TRIM43B: variants seen among roughly 807,000 people sequenced by gnomAD.
TRIM43B encodes the protein tripartite motif containing 43B, also known as tripartite motif-containing protein 43B.
TRIM43B carries 15 observed loss-of-function variants against 27.0 expected under a neutral mutation model. That is an observed-to-expected ratio of 0.55 (90% CI 0.37 to 0.85). The LOEUF (loss-of-function observed/expected upper bound fraction) is 0.85, where lower values mean the gene tolerates loss of function less well. Ranked by LOEUF, TRIM43B falls within the 40% of genes least tolerant of loss-of-function variation. The pLI is 0.00. For synonymous variants in TRIM43B, 69 were observed against 97.8 expected (o/e 0.71, Z 1.74); for missense variants, 172 against 289.8 (o/e 0.59, Z 2.95).
chr2:95,484,315 T>C (rs1479492695), intron 1 of TRIM43B, among the ~76,000 whole-genome samples: 1 of 152,002 alleles, frequency 6.6e-6, no homozygotes, highest in Admixed American at 6.6e-5. Context: ...GAGGTTGCAG[T>C]GAGCCAAGAG....
At chr2:95,484,635 G>A (rs1326121772) in exon 1 of TRIM43B, 1 of 152,120 alleles carries the variant, frequency 6.6e-6, no homozygotes, top group East Asian at 1.9e-4. Context: ...TCTCACCAAA[G>A]CTTGCTGTCG....
intron 1 of TRIM43B, among the ~76,000 whole-genome samples, chr2:95,482,972 G>A (rs1192027863): frequency 1.1e-4 from 17 of 152,110 alleles, no homozygotes; most frequent in South Asian, 2.1e-4. Flanking sequence ...GAAGAATGTC[G>A]GATTTTTTGA....
intron 2 of TRIM43B, 94 bp from the exon 3 acceptor site, chr2:95,481,784 C>A: frequency 7.5e-7 from 1 of 1,340,348 alleles, no homozygotes; most frequent in Non-Finnish European, 1.0e-6. Context: ...TATATAAATA[C>A]ATTAGTGAGA....
At chr2:95,484,379 A>C (rs1683603426) in intron 1 of TRIM43B, among the ~76,000 whole-genome samples, 1 of 151,980 alleles carries the variant, frequency 6.6e-6, no homozygotes. Flanking sequence ...AAAATAAATA[A>C]ATAAACAAAT....
Position 95,482,290 on chromosome 2 carries a change from G to C in TRIM43B, c.411+14C>G. ...ACCCTCCAGCTTTCAGGTGATCACA[G>C]AGCTATCTCTTACCCGGTCTTCCTC... On this transcript the variant is annotated intron_variant, in intron 2 of 6. Coordinates refer to ENST00000639673, the Ensembl canonical transcript of TRIM43B. 6.2e-7 allele frequency: 1 copy of C among 1,611,038 alleles called. No homozygotes were observed. Among genetic ancestry groups the C allele is most frequent in the East Asian group, 2.2e-5 (1 of 44,860 alleles).
At chr2:95,482,926 A>C (rs1558814423) in intron 1 of TRIM43B, among the ~76,000 whole-genome samples, 1 of 152,146 alleles carries the variant, frequency 6.6e-6, no homozygotes, top group Non-Finnish European at 1.5e-5. Flanking sequence ...TCCAATCAAC[A>C]CATGACCAGC....
At chr2:95,483,791 G>A (rs1395455979) in intron 1 of TRIM43B, among the ~76,000 whole-genome samples, 7 of 151,972 alleles carry the variant, frequency 4.6e-5, no homozygotes, top group African/African-American at 1.7e-4. Flanking sequence ...TAGTGCCACA[G>A]CACTCCAGTC....
chr2:95,484,589 G>A lies in TRIM43B; in HGVS notation c.-5+17C>T, dbSNP rs910737539. On this transcript the variant is annotated intron_variant, in intron 1 of 6. Transcript: ENST00000639673. ...GTAACCTAATAGTAGATCCTTCTCTGGAAATTGTGTACTTACCTCAGAAAT... is the reference window on the plus strand; with the variant it reads ...GTAACCTAATAGTAGATCCTTCTCTAGAAATTGTGTACTTACCTCAGAAAT... 1 of 152,076 alleles carries A rather than the reference G, an allele frequency of 6.6e-6. No homozygotes were observed. The highest frequency in any genetic ancestry group is 2.4e-5 in the African/African-American group (1 of 41,400). 9.4% of individuals were successfully genotyped at this position (152,076 alleles called of 1,614,324 possible).
At chr2:95,483,833 C>CA (rs1683584875) in intron 1 of TRIM43B, among the ~76,000 whole-genome samples, 1 of 151,312 alleles carries the variant, frequency 6.6e-6, no homozygotes, top group Non-Finnish European at 1.5e-5. Context: ...GTCTCCCCCC[C>CA]AAAACAAAAA....
chr2:95,484,099 G>A (rs1041941578), intron 1 of TRIM43B, among the ~76,000 whole-genome samples: 2 of 149,464 alleles, frequency 1.3e-5, no homozygotes, highest in African/African-American at 2.5e-5. Context: ...GGCCGGGCGC[G>A]GTGGCTCAGG....
chr2:95,484,403 A>G (rs1683603970), intron 1 of TRIM43B, among the ~76,000 whole-genome samples: 3 of 151,936 alleles, frequency 2.0e-5, no homozygotes, highest in African/African-American at 7.2e-5. Flanking sequence ...TAAATAGCTG[A>G]ACATGGTGGC....
chr2:95,483,901 TAA>T, intron 1 of TRIM43B, among the ~76,000 whole-genome samples: 1 of 151,896 alleles, frequency 6.6e-6, no homozygotes, highest in Middle Eastern at 3.4e-3. Context: ...TATGTTTTGC[TAA>T]AATACAAATA....
intron 1 of TRIM43B, among the ~76,000 whole-genome samples, chr2:95,483,620 G>C (rs918997373): frequency 6.6e-6 from 1 of 151,076 alleles, no homozygotes; most frequent in African/African-American, 2.4e-5. Context: ...GATGTCACGA[G>C]ATCAAGACCA....
At chr2:95,480,166 T>A in intron 4 of TRIM43B, 139 bp downstream of exon 4, 2 of 1,245,434 alleles carry the variant, frequency 1.6e-6, no homozygotes, top group Non-Finnish European at 2.2e-6. Context: ...GGAGTTATAG[T>A]TTATCTCTAT....
At chr2:95,481,058 A>T (rs1372143562) in intron 3 of TRIM43B, among the ~76,000 whole-genome samples, 1 of 151,902 alleles carries the variant, frequency 6.6e-6, no homozygotes, top group East Asian at 1.9e-4. Flanking sequence ...ATTAATCCCC[A>T]TTCCATTGTG....
At chr2:95,481,343 A>ACT (rs1385373701) in intron 3 of TRIM43B, among the ~76,000 whole-genome samples, 8 of 152,178 alleles carry the variant, frequency 5.3e-5, no homozygotes, top group African/African-American at 1.2e-4. Context: ...TATACAGAAA[A>ACT]CTGTCTGAAA....
chr2:95,480,696 T>C (rs1683506078), intron 3 of TRIM43B, among the ~76,000 whole-genome samples, 161 bp from the exon 4 acceptor site: 1 of 151,962 alleles, frequency 6.6e-6, no homozygotes, highest in Admixed American at 6.6e-5. Context: ...AATTCATCAA[T>C]TCCCAAACAC....
At chr2:95,481,625 A>G (rs767708301) in exon 3 of TRIM43B, 3 of 1,612,672 alleles carry the variant, frequency 1.9e-6, no homozygotes, top group South Asian at 1.1e-5. Flanking sequence ...TTCTCTCCTC[A>G]TATAGATTTC....
chr2:95,482,226 C>T (rs965724880), intron 2 of TRIM43B, 78 bp downstream of exon 2: 18 of 1,398,140 alleles, frequency 1.3e-5, no homozygotes, highest in South Asian at 1.5e-5. Context: ...GAGTAATCAC[C>T]GTGATTCTCA....
Sources: allele counts gnomAD v4.1 joint callset (sites outside exome capture counted in the v4.1 genomes callset), GRCh38; gene constraint gnomAD v4.1.1; transcripts MANE v1.5; gene names NCBI Gene and HGNC (gene_info 2026-07-23, HGNC 2026-07-21).